The following CCDC192 variants were observed in gnomAD, a reference collection of about 807,000 sequenced individuals.
CCDC192 encodes coiled-coil domain-containing protein 192.
chr5:127,836,037 C>G (rs1307872596), intron 5 of CCDC192, among the ~76,000 whole-genome samples: 2 of 152,162 alleles, frequency 1.3e-5, no homozygotes, highest in South Asian at 4.2e-4. Flanking sequence ...AAGGCAAGTC[C>G]CTTATGCCTA....
chr5:127,938,804 G>C (rs1422784994), intron 6 of CCDC192, among the ~76,000 whole-genome samples: 2 of 152,194 alleles, frequency 1.3e-5, no homozygotes, highest in African/African-American at 4.8e-5. Context: ...CATGTGACTA[G>C]TGACTACTGT....
intron 5 of CCDC192, among the ~76,000 whole-genome samples, chr5:127,812,061 G>T (rs1042417518): frequency 2.0e-5 from 3 of 152,140 alleles, no homozygotes; most frequent in Admixed American, 6.6e-5. Flanking sequence ...TGATCCTGAG[G>T]CTTAATTTCC....
chr5:127,838,957 G>A (rs907581741), intron 5 of CCDC192, among the ~76,000 whole-genome samples: 7 of 152,164 alleles, frequency 4.6e-5, no homozygotes, highest in Non-Finnish European at 2.9e-5. Flanking sequence ...CTCCCAAGGA[G>A]GCTGAACAAT....
intron 5 of CCDC192, among the ~76,000 whole-genome samples, chr5:127,868,297 T>A (rs923857266): frequency 3.3e-5 from 5 of 152,118 alleles, no homozygotes; most frequent in Non-Finnish European, 7.4e-5. Context: ...TAATATGGGG[T>A]CAGAGAAGGG....
chr5:127,907,383 A>C (rs1301778325), intron 6 of CCDC192, among the ~76,000 whole-genome samples: 1 of 152,176 alleles, frequency 6.6e-6, no homozygotes, highest in Non-Finnish European at 1.5e-5. Flanking sequence ...AAGTTATCTC[A>C]AGTAATTTAC....
At chr5:127,718,582 G>T (rs1751777279) in intron 2 of CCDC192, among the ~76,000 whole-genome samples, 1 of 152,164 alleles carries the variant, frequency 6.6e-6, no homozygotes, top group Non-Finnish European at 1.5e-5. Flanking sequence ...GTGAAAAAGG[G>T]AGATAAATAT....
intron 6 of CCDC192, among the ~76,000 whole-genome samples, chr5:127,910,926 C>A (rs546152731): frequency 2.0e-5 from 3 of 152,028 alleles, no homozygotes; most frequent in Non-Finnish European, 2.9e-5. Context: ...CCTGTAGCTT[C>A]ATGCATTGTG....
At chr5:127,818,915 C>A (rs1166347209) in intron 5 of CCDC192, among the ~76,000 whole-genome samples, 1 of 152,136 alleles carries the variant, frequency 6.6e-6, no homozygotes. Context: ...AATGCTGGGA[C>A]TTTCAGGTCA....
rs148363494 is a variant in CCDC192 at position 127,707,932 on chromosome 5, T to G, written c.114+172T>G. 7.2e-5 allele frequency among the ~76,000 whole-genome samples: 11 copies of G among 152,210 alleles called. No individual in the cohort carries two copies. In the East Asian group the frequency reaches 2.1e-3, roughly 29 times the overall value. ...AGTTGTTTTCCAAGTAGAAGATTGA[T>G]GTAAAGTGGGGTGGAGTGGTAACTA... On this transcript the variant is annotated intron_variant, in intron 2 of 6. Transcript: ENST00000514853.
intron 5 of CCDC192, among the ~76,000 whole-genome samples, chr5:127,853,511 G>T (rs1466350445): frequency 6.6e-6 from 1 of 152,060 alleles, no homozygotes; most frequent in Non-Finnish European, 1.5e-5. Context: ...GGTGGCTCAT[G>T]CCTGTAATCC....
chr5:127,930,246 ACT>A (rs1214217275), intron 6 of CCDC192, among the ~76,000 whole-genome samples: 1 of 148,756 alleles, frequency 6.7e-6, no homozygotes, highest in Non-Finnish European at 1.5e-5. Flanking sequence ...ACTAAACTAA[ACT>A]AAACTAAAAT....
At chr5:127,769,570 A>G (rs1755432499) in intron 3 of CCDC192, among the ~76,000 whole-genome samples, 1 of 152,140 alleles carries the variant, frequency 6.6e-6, no homozygotes, top group East Asian at 1.9e-4. Flanking sequence ...CCCAGAAACA[A>G]ATCCTCAGAT....
chr5:127,875,672 C>T lies in CCDC192; in HGVS notation c.535+11C>T, dbSNP rs1752048519. 1 of 398,644 alleles carries T rather than the reference C, an allele frequency of 2.5e-6. No individual in the cohort carries two copies. Among genetic ancestry groups the T allele is most frequent in the Admixed American group, 4.4e-5 (1 of 22,696 alleles). The allele number at this position is 398,644 out of a possible 1,614,324, so 24.7% of individuals were successfully genotyped here. A position where few individuals can be genotyped will look rare whatever the true frequency, so the allele number is the denominator to read the frequency against. ...AGCCAGCCCCTAGAGGTCAGTATTA[C>T]CACGTGACAGATCCACACTGGCCCG... is the stretch of plus-strand genomic sequence containing the variant. On this transcript the variant is annotated intron_variant, in intron 6 of 6. Coordinates refer to ENST00000514853, the MANE Select transcript of CCDC192 (RefSeq NM_001317938.2).
intron 3 of CCDC192, among the ~76,000 whole-genome samples, chr5:127,780,370 T>C (rs1756139069): frequency 1.3e-5 from 2 of 152,226 alleles, no homozygotes; most frequent in African/African-American, 2.4e-5. Context: ...TAAAAAGTTC[T>C]ACTTTTAGTT....
chr5:127,891,447 G>A (rs1037280316), intron 6 of CCDC192, among the ~76,000 whole-genome samples: 2 of 152,048 alleles, frequency 1.3e-5, no homozygotes, highest in Non-Finnish European at 2.9e-5. Flanking sequence ...CTAAATTCTT[G>A]CTTCTTCACT....
intron 2 of CCDC192, among the ~76,000 whole-genome samples, chr5:127,719,844 G>A (rs1203787569): frequency 6.6e-6 from 1 of 150,466 alleles, no homozygotes; most frequent in East Asian, 2.0e-4. Flanking sequence ...CGGGGGAGGT[G>A]ACACATGCTT....
intron 3 of CCDC192, among the ~76,000 whole-genome samples, chr5:127,771,592 GA>G (rs1480729121): frequency 5.9e-5 from 9 of 152,218 alleles, no homozygotes; most frequent in African/African-American, 1.9e-4. Flanking sequence ...GTAGGGTACA[GA>G]AATTACAGGA....
rs528558269 is a variant in CCDC192, at chr5:127,764,228, GAGA to G, written c.222+9856_222+9858del. On this transcript the variant is annotated intron_variant, in intron 3 of 6. Coordinates refer to ENST00000514853, the MANE Select transcript of CCDC192 (RefSeq NM_001317938.2). ...TCAAGAGAGAAAACAGTGAGGGACT[GAGA>G]AGGACAGATTTGAGAGACCAAAGCC... is the stretch of plus-strand genomic sequence containing the variant. Among the ~76,000 whole-genome samples the G allele has an allele frequency of 2.9e-3, 443 of 152,326 alleles. 1 individual carries two copies. In the Middle Eastern group the frequency reaches 0.034, roughly 12 times the overall value.
chr5:127,722,557 C>T (rs1246805731), intron 2 of CCDC192, among the ~76,000 whole-genome samples: 1 of 152,080 alleles, frequency 6.6e-6, no homozygotes, highest in Non-Finnish European at 1.5e-5. Flanking sequence ...TGGAGCATTT[C>T]CTCAATGTTT....
Sources: gnomAD v4.1 joint callset for allele counts (sites outside exome capture counted in the v4.1 genomes callset) on GRCh38, gnomAD v4.1.1 for gene constraint, MANE v1.5 for transcripts, NCBI Gene and HGNC (gene_info 2026-07-23, HGNC 2026-07-21) for gene names.